The following ADAMTS17 variants were observed in gnomAD, a reference collection of about 807,000 sequenced individuals.
ADAMTS17 encodes the protein A disintegrin and metalloproteinase with thrombospondin motifs 17.
ADAMTS17 carries 113 observed loss-of-function variants against 141.5 expected under a neutral mutation model. The ratio of observed to expected loss-of-function variants is 0.80; its 90% CI spans 0.69 to 0.93. The LOEUF is 0.93. Among genes scored for constraint, ADAMTS17 ranks in the 40% least tolerant of loss-of-function variants. The probability of loss-of-function intolerance (pLI) is 0.00; values close to 1 mark genes in which losing one functional copy is unlikely to be tolerated. For synonymous variants in ADAMTS17, 768 were observed against 630.6 expected, an observed-to-expected ratio of 1.22 and a Z score of -3.27; for missense variants, 1,659 against 1,517.9, an observed-to-expected ratio of 1.09 and a Z score of -1.54.
intron 12 of ADAMTS17, among the ~76,000 whole-genome samples, chr15:100,119,076 A>T (rs2037316333): frequency 6.6e-6 from 1 of 152,124 alleles, no homozygotes; most frequent in African/African-American, 2.4e-5. Context: ...ACAGGCAGAG[A>T]GACACACAAA....
intron 3 of ADAMTS17, among the ~76,000 whole-genome samples, chr15:100,315,476 GAACATT>G (rs377259309): frequency 2.2e-3 from 330 of 152,252 alleles, no homozygotes; most frequent in African/African-American, 7.1e-3. Flanking sequence ...CAGCATAAAG[GAACATT>G]AGTCAAGCAA....
chr15:100,274,697 T>C (rs1407426055), intron 4 of ADAMTS17, among the ~76,000 whole-genome samples: 1 of 152,230 alleles, frequency 6.6e-6, no homozygotes. Context: ...GGGACTTACT[T>C]TTCCATTTTG....
chr15:100,315,939 G>A (rs1219510749), intron 3 of ADAMTS17, among the ~76,000 whole-genome samples: 1 of 152,234 alleles, frequency 6.6e-6, no homozygotes, highest in Admixed American at 6.5e-5. Context: ...CAGAGCCTAA[G>A]AGGCTCACTT....
At chr15:100,057,177 A>G (rs1345803390) in intron 15 of ADAMTS17, among the ~76,000 whole-genome samples, 1 of 152,092 alleles carries the variant, frequency 6.6e-6, no homozygotes, top group Non-Finnish European at 1.5e-5. Context: ...AGCAAGTGGA[A>G]GGTAAAGTTT....
At chr15:100,211,410 G>A (rs1045320593) in intron 7 of ADAMTS17, among the ~76,000 whole-genome samples, 5 of 152,070 alleles carry the variant, frequency 3.3e-5, no homozygotes, top group Admixed American at 3.3e-4. Flanking sequence ...AAATGGCACT[G>A]GGACCACAGG....
chr15:100,024,614 A>G lies in ADAMTS17; in HGVS notation c.2591+24243T>C, dbSNP rs60849274. On this transcript the variant is annotated intron_variant, in intron 18 of 21. Transcript: ENST00000268070. Reference sequence around the variant, plus strand: ...ACTATGACCCGGCCATGCCTGACCCACTAGCCTGTTGGGTATGCTTGTTCT... The same window carrying G: ...ACTATGACCCGGCCATGCCTGACCCGCTAGCCTGTTGGGTATGCTTGTTCT... Among the ~76,000 whole-genome samples the G allele has an allele frequency of 7.3e-3, 1,106 of 152,250 alleles. 17 individuals carry two copies. The highest frequency in any genetic ancestry group is 0.025 in the African/African-American group (1,054 of 41,550).
chr15:100,240,316 A>C (rs1225388331), intron 7 of ADAMTS17, among the ~76,000 whole-genome samples: 1 of 152,224 alleles, frequency 6.6e-6, no homozygotes, highest in Admixed American at 6.5e-5. Flanking sequence ...CTTCCTCCTC[A>C]GCCCCAGATG....
At chr15:100,304,810 T>G (rs1408424762) in intron 3 of ADAMTS17, among the ~76,000 whole-genome samples, 1 of 152,114 alleles carries the variant, frequency 6.6e-6, no homozygotes, top group Admixed American at 6.5e-5. Flanking sequence ...ATACATGGAT[T>G]TTCACCTCTG....
At chr15:100,219,675 G>A (rs2042073104) in intron 7 of ADAMTS17, among the ~76,000 whole-genome samples, 1 of 152,150 alleles carries the variant, frequency 6.6e-6, no homozygotes. Context: ...TGGACAAGGA[G>A]AATCTATGGC....
At chr15:100,007,301 G>A (rs1247969066) in intron 18 of ADAMTS17, among the ~76,000 whole-genome samples, 1 of 152,194 alleles carries the variant, frequency 6.6e-6, no homozygotes. Flanking sequence ...CACACCTTAA[G>A]GCTGGGGTGG....
At chr15:100,147,113 T>C (rs1437418027) in intron 10 of ADAMTS17, among the ~76,000 whole-genome samples, 2 of 152,136 alleles carry the variant, frequency 1.3e-5, no homozygotes, top group African/African-American at 4.8e-5. Flanking sequence ...CCTCCCCTTT[T>C]GAAAATCCCT....
At chr15:100,287,335 A>G (rs999667597) in intron 3 of ADAMTS17, among the ~76,000 whole-genome samples, 1 of 152,226 alleles carries the variant, frequency 6.6e-6, no homozygotes, top group African/African-American at 2.4e-5. Context: ...ACTCAGGCAG[A>G]CAAGCTAAAG....
At chr15:100,246,308 G>A (rs1018822580) in intron 7 of ADAMTS17, among the ~76,000 whole-genome samples, 1 of 152,134 alleles carries the variant, frequency 6.6e-6, no homozygotes, top group African/African-American at 2.4e-5. Context: ...AGTCTTTTAA[G>A]CAGATGGTCT....
At chr15:100,073,433 A>C (rs1317486552) in intron 15 of ADAMTS17, among the ~76,000 whole-genome samples, 1 of 152,178 alleles carries the variant, frequency 6.6e-6, no homozygotes, top group African/African-American at 2.4e-5. Context: ...AAAGGATTAT[A>C]AATCATGCTG....
intron 15 of ADAMTS17, among the ~76,000 whole-genome samples, chr15:100,066,430 C>T (rs1380281593): frequency 6.6e-6 from 1 of 151,858 alleles, no homozygotes; most frequent in Non-Finnish European, 1.5e-5. Flanking sequence ...CTTAGTTTTA[C>T]ATAAACATTT....
intron 3 of ADAMTS17, among the ~76,000 whole-genome samples, chr15:100,287,025 T>TA (rs1406813413): frequency 6.6e-6 from 1 of 152,102 alleles, no homozygotes; most frequent in African/African-American, 2.4e-5. Flanking sequence ...CCGTCTCTAC[T>TA]AAAAATACAA....
At chr15:99,982,677 T>C (rs2060505457) in intron 20 of ADAMTS17, among the ~76,000 whole-genome samples, 1 of 152,230 alleles carries the variant, frequency 6.6e-6, no homozygotes. Flanking sequence ...ACATATCTGG[T>C]CTTGTTTGGT....
chr15:100,262,417 G>T lies in ADAMTS17; in HGVS notation c.808C>A (p.His270Asn), dbSNP rs749752628. 9.3e-6 allele frequency: 15 copies of T among 1,613,586 alleles called. No homozygotes were observed. The highest frequency in any genetic ancestry group is 3.3e-5 in the Admixed American group (2 of 59,980). ...TTAATTTTAATCCCCAGGCTCTGGT[G>T]CTGAAACATATTGTATACCTATCAA... Reference protein sequence around the residue: ...VMNMVYNMFQHQSLGIKINIQ... With the variant: ...VMNMVYNMFQNQSLGIKINIQ... The change falls in exon 5 of 22, where the codon CAC (histidine) becomes AAC (asparagine). Residue 270 changes from histidine (H) to asparagine (N), a missense_variant. Physicochemically the swap from His to Asn is moderately conservative, Grantham distance 68. Coordinates refer to ENST00000268070, the MANE Select transcript of ADAMTS17 (RefSeq NM_139057.4).
chr15:100,175,780 C>T (rs1214112550), intron 8 of ADAMTS17, among the ~76,000 whole-genome samples: 1 of 152,050 alleles, frequency 6.6e-6, no homozygotes, highest in Non-Finnish European at 1.5e-5. Context: ...GTGAACGGTG[C>T]CCCCGAGAGT....
Sources: allele counts gnomAD v4.1 joint callset (sites outside exome capture counted in the v4.1 genomes callset), GRCh38; gene constraint gnomAD v4.1.1; transcripts MANE v1.5; gene names NCBI Gene and HGNC (gene_info 2026-07-23, HGNC 2026-07-21).